CPQ: variants seen among roughly 807,000 people sequenced by gnomAD.
The protein encoded by CPQ is carboxypeptidase Q, also known as Ser-Met dipeptidase.
A neutral mutation model predicts 45.7 loss-of-function variants in CPQ; 37 were observed. The ratio of observed to expected loss-of-function variants is 0.81; its 90% confidence interval spans 0.62 to 1.07. The LOEUF (loss-of-function observed/expected upper bound fraction) is 1.07, where lower values mean the gene tolerates loss of function less well. Among genes scored for constraint, CPQ ranks in the 50% least tolerant of loss-of-function variants. The pLI is 0.00. For missense variants in CPQ, 537 were observed against 572.9 expected (o/e 0.94, Z 0.64); for synonymous variants, 186 against 205.8 (o/e 0.90, Z 0.82).
At chr8:96,971,781 G>T (rs1386236943) in intron 5 of CPQ, among the ~76,000 whole-genome samples, 1 of 152,088 alleles carries the variant, frequency 6.6e-6, no homozygotes. Context: ...CTGAATTTTG[G>T]TCTTGATGTT....
In CPQ at chr8:96,840,502, C is replaced by T. The variant is rs144850081; in HGVS notation, c.641+5322C>T. Among the ~76,000 whole-genome samples, 504 of 152,228 alleles carry T rather than the reference C, an allele frequency of 3.3e-3. 3 individuals are homozygous for T. Among genetic ancestry groups the T allele is most frequent in the African/African-American group, 0.011 (474 of 41,534 alleles). ...AAATTATTAGGCCCCACCTAATACC[C>T]GTTGTATCAGAAAAGCTAAGGGTGG... On this transcript the variant is annotated intron_variant, in intron 3 of 7. Transcript: ENST00000220763.
At chr8:96,999,035 C>A (rs1368300156) in intron 5 of CPQ, among the ~76,000 whole-genome samples, 1 of 151,892 alleles carries the variant, frequency 6.6e-6, no homozygotes, top group Non-Finnish European at 1.5e-5. Context: ...TCACTTAACC[C>A]TCACAATGTC....
At chr8:96,746,306 A>G (rs1451282292) in intron 1 of CPQ, among the ~76,000 whole-genome samples, 1 of 152,250 alleles carries the variant, frequency 6.6e-6, no homozygotes, top group Non-Finnish European at 1.5e-5. Flanking sequence ...TAATAAATTC[A>G]TAGCACTTAA....
chr8:96,667,448 A>G (rs1373323712), intron 1 of CPQ, among the ~76,000 whole-genome samples: 1 of 150,630 alleles, frequency 6.6e-6, no homozygotes, highest in Admixed American at 6.7e-5. Context: ...TCCCGGGTTC[A>G]AGCAATTCTG....
chr8:96,795,287 T>G (rs943753866), intron 2 of CPQ, among the ~76,000 whole-genome samples: 13 of 152,268 alleles, frequency 8.5e-5, no homozygotes, highest in Non-Finnish European at 1.0e-4. Context: ...GAAGAGAACT[T>G]GTGCAGGAAA....
intron 1 of CPQ, among the ~76,000 whole-genome samples, chr8:96,664,612 C>A (rs373652634): frequency 2.0e-5 from 3 of 152,032 alleles, no homozygotes; most frequent in African/African-American, 7.2e-5. Flanking sequence ...GCATTATGTA[C>A]CCTGGAGCAA....
chr8:97,095,319 C>T (rs1217947954), intron 7 of CPQ, among the ~76,000 whole-genome samples: 1 of 152,288 alleles, frequency 6.6e-6, no homozygotes, highest in South Asian at 2.1e-4. Context: ...TCGTCCAAGT[C>T]GCTCAAACCT....
chr8:96,708,920 T>G (rs1253959060), intron 1 of CPQ, among the ~76,000 whole-genome samples: 53 of 152,190 alleles, frequency 3.5e-4, no homozygotes, highest in Admixed American at 3.5e-3. Context: ...ATATAACTCC[T>G]AAAATATCTT....
intron 4 of CPQ, among the ~76,000 whole-genome samples, chr8:96,881,346 G>T (rs574086789): frequency 6.6e-6 from 1 of 152,226 alleles, no homozygotes; most frequent in East Asian, 1.9e-4. Flanking sequence ...GTCTTAGATG[G>T]CAGGAGCAGG....
chr8:96,976,270 A>AC (rs1813782293), intron 5 of CPQ, among the ~76,000 whole-genome samples: 1 of 146,490 alleles, frequency 6.8e-6, no homozygotes, highest in Non-Finnish European at 1.5e-5. Context: ...AAAAAAAAAA[A>AC]AACCTTAGGA....
intron 4 of CPQ, among the ~76,000 whole-genome samples, chr8:96,882,688 C>T (rs764967665): frequency 3.9e-5 from 6 of 152,122 alleles, no homozygotes; most frequent in Non-Finnish European, 7.4e-5. Flanking sequence ...GCTCTGACAG[C>T]TTCATGAGGG....
At chr8:96,982,040 C>T (rs1280696697) in intron 5 of CPQ, among the ~76,000 whole-genome samples, 2 of 152,086 alleles carry the variant, frequency 1.3e-5, no homozygotes, top group African/African-American at 2.4e-5. Context: ...AAATACATGG[C>T]ACATGATGTT....
intron 7 of CPQ, among the ~76,000 whole-genome samples, chr8:97,135,507 G>A (rs1165042317): frequency 6.6e-6 from 1 of 152,044 alleles, no homozygotes; most frequent in East Asian, 1.9e-4. Context: ...TAATGTGTAT[G>A]TGTTTTTCAT....
At chr8:96,859,668 T>A (rs1811901848) in intron 3 of CPQ, among the ~76,000 whole-genome samples, 1 of 152,206 alleles carries the variant, frequency 6.6e-6, no homozygotes, top group South Asian at 2.1e-4. Flanking sequence ...ATTTAACTTT[T>A]CTAGTTGTTT....
intron 2 of CPQ, among the ~76,000 whole-genome samples, chr8:96,823,962 G>A (rs940287347): frequency 6.6e-6 from 1 of 151,990 alleles, no homozygotes; most frequent in African/African-American, 2.4e-5. Context: ...ATACATTTAA[G>A]GACCACTCAG....
intron 3 of CPQ, among the ~76,000 whole-genome samples, chr8:96,870,482 G>A (rs780011452): frequency 6.6e-6 from 1 of 151,796 alleles, no homozygotes; most frequent in Non-Finnish European, 1.5e-5. Context: ...TCATTAGAGG[G>A]GTGAGCGGCA....
At chr8:97,129,695 G>A (rs1274712590) in intron 7 of CPQ, among the ~76,000 whole-genome samples, 1 of 152,120 alleles carries the variant, frequency 6.6e-6, no homozygotes, top group Non-Finnish European at 1.5e-5. Flanking sequence ...GGAACTTAGG[G>A]AAAATGAGGC....
chr8:96,792,846 A>T (rs754377002), intron 2 of CPQ, among the ~76,000 whole-genome samples: 3 of 152,194 alleles, frequency 2.0e-5, no homozygotes, highest in Non-Finnish European at 4.4e-5. Context: ...TAGACGAAAG[A>T]GGTTTAATTG....
At chr8:96,772,274 A>G (rs1586394388) in intron 1 of CPQ, among the ~76,000 whole-genome samples, 1 of 152,118 alleles carries the variant, frequency 6.6e-6, no homozygotes, top group East Asian at 1.9e-4. Context: ...TTAGGAGCTA[A>G]ATTTAAGAGC....
Sources: allele counts gnomAD v4.1 joint callset (sites outside exome capture counted in the v4.1 genomes callset), GRCh38; gene constraint gnomAD v4.1.1; transcripts MANE v1.5; gene names NCBI Gene and HGNC (gene_info 2026-07-23, HGNC 2026-07-21).